EYS: variants seen among roughly 807,000 people sequenced by gnomAD.
EYS encodes protein eyes shut homolog.
A neutral mutation model predicts 282.1 loss-of-function variants in EYS; 250 were observed. The ratio of observed to expected loss-of-function variants is 0.89; its 90% confidence interval spans 0.80 to 0.98. The LOEUF is 0.98. Among genes scored for constraint, EYS ranks in the 50% least tolerant of loss-of-function variants. The pLI, the probability that EYS is intolerant of heterozygous loss-of-function variation, is 0.00. For synonymous variants in EYS, 1,355 were observed against 1,282.9 expected, an observed-to-expected ratio of 1.06 and a Z score of -1.20; for missense variants, 4,016 against 3,709.0, an observed-to-expected ratio of 1.08 and a Z score of -2.15.
chr6:63,759,317 A>G (rs1769572806), intron 41 of EYS, among the ~76,000 whole-genome samples: 1 of 152,094 alleles, frequency 6.6e-6, no homozygotes, highest in African/African-American at 2.4e-5. Context: ...AGGAGAGTTA[A>G]GTTACTTGCC....
intron 12 of EYS, among the ~76,000 whole-genome samples, chr6:65,157,259 C>A (rs1265359691): frequency 6.6e-6 from 1 of 150,906 alleles, no homozygotes; most frequent in Non-Finnish European, 1.5e-5. Context: ...ATAATTATAA[C>A]AACTTGGATC....
At chr6:64,613,321 A>T (rs1464465414) in intron 24 of EYS, among the ~76,000 whole-genome samples, 1 of 147,648 alleles carries the variant, frequency 6.8e-6, no homozygotes, top group African/African-American at 2.7e-5. Context: ...AGACACATTG[A>T]ATTACATGAA....
rs60684321 is a variant in EYS at position 64,989,394 on chromosome 6, A to AAT, written c.2259+8186_2259+8187dup. Among the ~76,000 whole-genome samples, 563 of 69,716 alleles carry AAT rather than the reference A, an allele frequency of 8.1e-3. 63 individuals are homozygous for AAT. Among genetic ancestry groups the AAT allele is most frequent in the Admixed American group, 0.033 (240 of 7,250 alleles). The allele number at this position is 69,716 out of a possible 152,430, so 45.7% of individuals were successfully genotyped here. ...AAGAGGCTATTTACTGGCTAGCTGTAATATATATATATATATATATATGAA... is the reference window on the plus strand; with the variant it reads ...AAGAGGCTATTTACTGGCTAGCTGTAATATATATATATATATATATATATGAA... On this transcript the variant is annotated intron_variant, in intron 14 of 42. Transcript: ENST00000503581.
intron 31 of EYS, among the ~76,000 whole-genome samples, chr6:64,190,679 G>A (rs897359769): frequency 3.9e-5 from 6 of 152,108 alleles, no homozygotes; most frequent in African/African-American, 1.4e-4. Context: ...CTGGAATCCA[G>A]GTCTTTTGGC....
intron 28 of EYS, among the ~76,000 whole-genome samples, chr6:64,404,018 C>T (rs925043783): frequency 1.3e-5 from 2 of 152,068 alleles, no homozygotes; most frequent in Non-Finnish European, 2.9e-5. Flanking sequence ...ATATTCTGTG[C>T]TGGGGGTGGT....
At chr6:63,909,788 T>G (rs1192374917) in intron 35 of EYS, among the ~76,000 whole-genome samples, 1 of 152,178 alleles carries the variant, frequency 6.6e-6, no homozygotes, top group East Asian at 1.9e-4. Context: ...AAATTCCTAT[T>G]AAGCTGGTAG....
In EYS at chr6:64,297,168, T is replaced by A. The variant is rs150263540; in HGVS notation, c.6191+9802A>T. On this transcript the variant is annotated intron_variant, in intron 30 of 42. Coordinates refer to ENST00000503581, the MANE Select transcript of EYS (RefSeq NM_001142800.2). The stretch of plus-strand genomic sequence containing the variant: ...CACATATTAGACATCTGTGCTTTGA[T>A]CACTGATTACTGCTTCTGATAATAG... Among the ~76,000 whole-genome samples, 227 of 152,302 alleles carry A rather than the reference T, an allele frequency of 1.5e-3. 2 individuals are homozygous for A. Among genetic ancestry groups the A allele is most frequent in the African/African-American group, 5.3e-3 (220 of 41,556 alleles).
At chr6:64,239,267 C>T (rs185017578) in intron 30 of EYS, among the ~76,000 whole-genome samples, 83 of 152,106 alleles carry the variant, frequency 5.5e-4, no homozygotes, top group African/African-American at 1.9e-3. Flanking sequence ...GGGTATATAC[C>T]CAGTAATGGG....
intron 26 of EYS, among the ~76,000 whole-genome samples, chr6:64,507,961 G>T (rs924976990): frequency 5.9e-5 from 9 of 152,246 alleles, no homozygotes; most frequent in African/African-American, 2.2e-4. Context: ...CACTTGAGAC[G>T]GTTCCTGAGT....
At chr6:63,951,161 C>T (rs1310555519) in intron 35 of EYS, among the ~76,000 whole-genome samples, 1 of 152,074 alleles carries the variant, frequency 6.6e-6, no homozygotes, top group Non-Finnish European at 1.5e-5. Context: ...CACCATTCCT[C>T]CTTCTTCTCC....
At chr6:65,626,907 AC>A (rs1190724740) in intron 2 of EYS, among the ~76,000 whole-genome samples, 34 of 66,862 alleles carry the variant, frequency 5.1e-4, no homozygotes, top group Non-Finnish European at 9.1e-4. Context: ...TAAAAAAAAC[AC>A]ACACACACAC....
chr6:64,859,199 A>G (rs1319515303), intron 19 of EYS, among the ~76,000 whole-genome samples: 1 of 148,578 alleles, frequency 6.7e-6, no homozygotes. Context: ...ACCCAAAATA[A>G]TATTTAAAAA....
intron 31 of EYS, among the ~76,000 whole-genome samples, chr6:64,156,328 C>G (rs530426976): frequency 2.0e-5 from 3 of 152,056 alleles, no homozygotes; most frequent in Admixed American, 6.6e-5. Context: ...CTTTCACCTC[C>G]CACTGTGATT....
intron 29 of EYS, among the ~76,000 whole-genome samples, chr6:64,387,779 G>A (rs533798133): frequency 1.9e-4 from 29 of 152,106 alleles, no homozygotes; most frequent in South Asian, 8.3e-4. Flanking sequence ...AAATCTCTGC[G>A]TGCTTACAGA....
At chr6:65,494,163 G>A (rs541228813) in intron 4 of EYS, among the ~76,000 whole-genome samples, 11 of 152,022 alleles carry the variant, frequency 7.2e-5, no homozygotes, top group Non-Finnish European at 1.6e-4. Flanking sequence ...TAAGCAAAAA[G>A]CTTATTTTGG....
chr6:63,924,833 T>C (rs1193421962), intron 35 of EYS, among the ~76,000 whole-genome samples: 1 of 152,178 alleles, frequency 6.6e-6, no homozygotes, highest in African/African-American at 2.4e-5. Context: ...CTTTGGTGCA[T>C]AACAGAAAAG....
intron 31 of EYS, among the ~76,000 whole-genome samples, chr6:64,189,933 T>C (rs1765053539): frequency 6.6e-6 from 1 of 152,218 alleles, no homozygotes; most frequent in African/African-American, 2.4e-5. Context: ...AGATACATAC[T>C]AAATTGGAGC....
At chr6:63,850,363 G>C (rs769817982) in intron 36 of EYS, among the ~76,000 whole-genome samples, 3 of 152,042 alleles carry the variant, frequency 2.0e-5, no homozygotes, top group Non-Finnish European at 4.4e-5. Flanking sequence ...GCAACACCAA[G>C]ACATATAATC....
intron 29 of EYS, among the ~76,000 whole-genome samples, chr6:64,307,604 CA>C (rs1405924139): frequency 6.6e-6 from 1 of 151,970 alleles, no homozygotes; most frequent in Non-Finnish European, 1.5e-5. Context: ...TACAAAGCAT[CA>C]GATATTTAGA....
Sources: gnomAD v4.1 joint callset for allele counts (sites outside exome capture counted in the v4.1 genomes callset) on GRCh38, gnomAD v4.1.1 for gene constraint, MANE v1.5 for transcripts, NCBI Gene and HGNC (gene_info 2026-07-23, HGNC 2026-07-21) for gene names.